Variants in GRAMD1B observed in about 807,000 individuals in gnomAD.
GRAMD1B encodes the protein protein Aster-B.
A neutral mutation model predicts 99.7 loss-of-function variants in GRAMD1B; 37 were observed. That is an observed-to-expected ratio of 0.37 (90% confidence interval 0.29 to 0.49). The LOEUF is 0.49. GRAMD1B is among the 20% of genes least tolerant of loss of function. GRAMD1B has a pLI of 0.98. For missense variants in GRAMD1B, 888 were observed against 1,009.2 expected (o/e 0.88, Z 1.63); for synonymous variants, 427 against 387.6 (o/e 1.10, Z -1.19).
At chr11:123,445,945 T>C (rs1390510048) in intron 1 of GRAMD1B, among the ~76,000 whole-genome samples, 1 of 152,128 alleles carries the variant, frequency 6.6e-6, no homozygotes, top group Non-Finnish European at 1.5e-5. Flanking sequence ...AAGTTCTACC[T>C]AAGATCTAAC....
intron 7 of GRAMD1B, chr11:123,598,498 C>T: frequency 7.9e-7 from 1 of 1,269,852 alleles, no homozygotes; most frequent in Non-Finnish European, 1.2e-6. Context: ...AAAGCAATGT[C>T]TTTGTTCCTC....
intron 2 of GRAMD1B, among the ~76,000 whole-genome samples, chr11:123,495,503 C>T (rs766657984): frequency 2.0e-5 from 3 of 152,046 alleles, no homozygotes; most frequent in Non-Finnish European, 2.9e-5. Context: ...AATACTAGGT[C>T]GCATTTTTTC....
intron 2 of GRAMD1B, chr11:123,526,065 C>A: frequency 8.4e-7 from 1 of 1,195,920 alleles, no homozygotes; most frequent in South Asian, 1.3e-5. Context: ...GGGACTTCGT[C>A]ATCTTTTCCA....
rs141250307 is a variant in GRAMD1B at position 123,524,583 on chromosome 11, C to T, written c.452+43690C>T. Among the ~76,000 whole-genome samples, 1,145 of 152,212 alleles carry T rather than the reference C, an allele frequency of 7.5e-3. 13 individuals carry two copies. The highest frequency in any genetic ancestry group is 0.026 in the African/African-American group (1,071 of 41,544). ...CTCAAACTCCTGACCTCAAGGGATC[C>T]GCCTCCTTGGGCTCCCAAAGTGCTG... On this transcript the variant is annotated intron_variant, in intron 2 of 19. Coordinates refer to ENST00000635736, the MANE Select transcript of GRAMD1B (RefSeq NM_001387025.1).
intron 2 of GRAMD1B, among the ~76,000 whole-genome samples, chr11:123,548,503 G>A (rs1270823371): frequency 6.6e-6 from 1 of 151,750 alleles, no homozygotes; most frequent in Admixed American, 6.6e-5. Flanking sequence ...AAGAGAAATA[G>A]GGGAAGTTCT....
chr11:123,529,555 AAGGGC>A (rs1943139345), intron 2 of GRAMD1B, among the ~76,000 whole-genome samples: 1 of 152,184 alleles, frequency 6.6e-6, no homozygotes, highest in Admixed American at 6.5e-5. Context: ...TGAGCAAGGT[AAGGGC>A]AGTGGTGGAG....
chr11:123,443,548 G>A (rs537553204), intron 1 of GRAMD1B, among the ~76,000 whole-genome samples: 5 of 147,664 alleles, frequency 3.4e-5, no homozygotes, highest in Admixed American at 2.7e-4. Flanking sequence ...GTCATTGGTG[G>A]ATTCAAAGAT....
At chr11:123,413,596 C>T (rs1280202176) in intron 1 of GRAMD1B, among the ~76,000 whole-genome samples, 5 of 152,012 alleles carry the variant, frequency 3.3e-5, no homozygotes, top group African/African-American at 1.2e-4. Flanking sequence ...TCTATTTGTT[C>T]CCTCTCTGAA....
chr11:123,580,915 T>TTC (rs375349644), intron 3 of GRAMD1B, among the ~76,000 whole-genome samples: 2 of 151,672 alleles, frequency 1.3e-5, no homozygotes, highest in African/African-American at 2.4e-5. Context: ...TTTTTTTTTT[T>TTC]CAAATCTAAT....
intron 7 of GRAMD1B, 47 bp from the exon 8 acceptor site, chr11:123,600,421 T>G (rs774231699): frequency 8.3e-7 from 1 of 1,210,612 alleles, no homozygotes; most frequent in South Asian, 1.3e-5. Context: ...CTCTTAATTA[T>G]ATTGTAACTC....
rs1170603016 is a variant in GRAMD1B, at chr11:123,359,404, C to T, written c.-176+605C>T. ...CCTCTGAGGGTGGAAGTGAGAGGTTCCATCCCAGAGGAAATAGAGTTACTC... is the reference window on the plus strand; with the variant it reads ...CCTCTGAGGGTGGAAGTGAGAGGTTTCATCCCAGAGGAAATAGAGTTACTC... On this transcript the variant is annotated intron_variant, in intron 1 of 20. Transcript: ENST00000638157. 5.3e-5 allele frequency among the ~76,000 whole-genome samples: 7 copies of T among 132,584 alleles called. No individual in the cohort carries two copies. In the South Asian group the frequency reaches 9.0e-4, roughly 17 times the overall value. 87.0% of individuals were successfully genotyped at this position (132,584 alleles called of 152,430 possible).
intron 2 of GRAMD1B, among the ~76,000 whole-genome samples, chr11:123,517,845 G>A (rs960416332): frequency 1.3e-5 from 2 of 152,146 alleles, no homozygotes; most frequent in African/African-American, 4.8e-5. Context: ...AGTGGAAGAA[G>A]CAGAAATCCC....
chr11:123,516,478 A>T (rs1029043364), intron 2 of GRAMD1B, among the ~76,000 whole-genome samples: 8 of 152,222 alleles, frequency 5.3e-5, no homozygotes, highest in Admixed American at 2.6e-4. Flanking sequence ...GATAGTAGCA[A>T]TATGTTCCGA....
chr11:123,600,673 T>C, intron 8 of GRAMD1B, 125 bp downstream of exon 8: 1 of 602,196 alleles, frequency 1.7e-6, no homozygotes, highest in Non-Finnish European at 2.9e-6. Context: ...GCCTGAGTCC[T>C]GAAAGTAGCA....
intron 3 of GRAMD1B, chr11:123,578,392 T>C (rs1260859472): frequency 6.6e-7 from 1 of 1,525,474 alleles, no homozygotes. Context: ...AATACCTTCT[T>C]TGCATGCATG....
At chr11:123,467,676 C>T (rs905624238) in intron 1 of GRAMD1B, among the ~76,000 whole-genome samples, 1 of 152,054 alleles carries the variant, frequency 6.6e-6, no homozygotes, top group African/African-American at 2.4e-5. Context: ...GGAACCAATG[C>T]CTAAAACATA....
chr11:123,583,571 G>C (rs779107540), intron 3 of GRAMD1B, among the ~76,000 whole-genome samples: 1 of 152,136 alleles, frequency 6.6e-6, no homozygotes, highest in Non-Finnish European at 1.5e-5. Context: ...GACAAGGCAC[G>C]ATCTTAGCTA....
chr11:123,384,877 G>A (rs1433427795), intron 1 of GRAMD1B, among the ~76,000 whole-genome samples: 3 of 152,106 alleles, frequency 2.0e-5, no homozygotes, highest in Non-Finnish European at 4.4e-5. Flanking sequence ...ACTCAGCTCT[G>A]CCACTGTAAA....
At chr11:123,383,617 T>C (rs1946959921) in intron 1 of GRAMD1B, among the ~76,000 whole-genome samples, 1 of 152,114 alleles carries the variant, frequency 6.6e-6, no homozygotes, top group African/African-American at 2.4e-5. Flanking sequence ...TTTTCTCTTA[T>C]ACTTTGCTTC....
Sources: gnomAD v4.1 joint callset for allele counts (sites outside exome capture counted in the v4.1 genomes callset) on GRCh38, gnomAD v4.1.1 for gene constraint, MANE v1.5 for transcripts, NCBI Gene and HGNC (gene_info 2026-07-23, HGNC 2026-07-21) for gene names.